MREG: variants seen among roughly 807,000 people sequenced by gnomAD.
MREG encodes the protein dilute suppressor protein homolog.
Under a neutral mutation model 28.5 loss-of-function variants are expected in MREG, and 31 were observed. The observed-to-expected ratio is 1.09, with a 90% CI of 0.82 to 1.47. The LOEUF (loss-of-function observed/expected upper bound fraction) is 1.47, where lower values mean the gene tolerates loss of function less well. MREG is among the 40% of genes most tolerant of loss of function. The probability of loss-of-function intolerance (pLI) is 0.00; values close to 1 mark genes in which losing one functional copy is unlikely to be tolerated. For synonymous variants in MREG, 106 were observed against 95.2 expected (o/e 1.11, Z -0.66); for missense variants, 256 against 257.4 (o/e 0.99, Z 0.04).
chr2:215,993,794 C>T lies in MREG; in HGVS notation c.255+2512G>A, dbSNP rs557164346. Among the ~76,000 whole-genome samples the T allele has an allele frequency of 2.6e-3, 395 of 152,168 alleles. 1 individual carries two copies. The highest frequency in any genetic ancestry group is 9.2e-3 in the African/African-American group (380 of 41,464). On this transcript the variant is annotated intron_variant, in intron 2 of 4. Transcript: ENST00000263268. ...TTCTCAAAAGAAGACATTTGTGCGG[C>T]CAACAAACATATGAAAAAAGCTCAT...
chr2:216,033,163 T>A (rs969712743), upstream of MREG, among the ~76,000 whole-genome samples: 4 of 152,186 alleles, frequency 2.6e-5, no homozygotes, highest in African/African-American at 7.2e-5. Flanking sequence ...TAATGTATAA[T>A]GTATCTGCCA....
At chr2:215,953,252 G>A (rs941676704) in intron 2 of MREG, among the ~76,000 whole-genome samples, 2 of 152,218 alleles carry the variant, frequency 1.3e-5, no homozygotes, top group Admixed American at 6.5e-5. Flanking sequence ...TTCCCTTGCA[G>A]AACAGTTATA....
At chr2:215,956,383 T>C (rs1439408725) in intron 2 of MREG, among the ~76,000 whole-genome samples, 1 of 152,242 alleles carries the variant, frequency 6.6e-6, no homozygotes, top group Non-Finnish European at 1.5e-5. Flanking sequence ...ACCTATCTAA[T>C]CTATCAATGA....
At chr2:216,024,210 A>G (rs1329191464) in intron 1 of MREG, among the ~76,000 whole-genome samples, 1 of 151,944 alleles carries the variant, frequency 6.6e-6, no homozygotes, top group Non-Finnish European at 1.5e-5. Flanking sequence ...ACCCCTCCCT[A>G]TCACTCACAT....
At chr2:215,998,340 A>G (rs1176635458) in intron 1 of MREG, among the ~76,000 whole-genome samples, 2 of 151,152 alleles carry the variant, frequency 1.3e-5, no homozygotes, top group African/African-American at 2.4e-5. Context: ...AATAATAATA[A>G]TAATAATTGG....
chr2:216,010,352 CTCTTTTTTTT>C (rs1424747049), intron 1 of MREG, among the ~76,000 whole-genome samples: 4 of 75,634 alleles, frequency 5.3e-5, no homozygotes, highest in African/African-American at 2.0e-4. Flanking sequence ...GAAAAGATTT[CTCTTTTTTTT>C]TTTTTTTTTT....
chr2:216,031,457 GAGAA>G lies in MREG; in HGVS notation c.-68+1328_-68+1331del, dbSNP rs1274456248. On this transcript the variant is annotated intron_variant, in intron 1 of 3. Coordinates refer to the MREG transcript ENST00000420348. Reference sequence around the variant, plus strand: ...AGAAAGAAAGAAAAAGAAAGAAAGAGAGAAAGAAAGAAAGAAAGAGAAAGAAAGA... The same window carrying G: ...AGAAAGAAAGAAAAAGAAAGAAAGAGAGAAAGAAAGAAAGAGAAAGAAAGA... 1.2e-3 allele frequency among the ~76,000 whole-genome samples: 141 copies of G among 117,846 alleles called. 1 individual carries two copies. Among genetic ancestry groups the G allele is most frequent in the African/African-American group, 3.2e-3 (101 of 31,506 alleles). 77.3% of individuals were successfully genotyped at this position (117,846 alleles called of 152,430 possible). A position where few individuals can be genotyped will look rare whatever the true frequency, so the allele number is the denominator to read the frequency against.
At chr2:215,952,864 G>A (rs796535214) in intron 2 of MREG, among the ~76,000 whole-genome samples, 4 of 152,014 alleles carry the variant, frequency 2.6e-5, no homozygotes, top group African/African-American at 7.2e-5. Flanking sequence ...CCAAGAATAC[G>A]CTTATACTTC....
Position 216,030,927 on chromosome 2 carries a change from TTCTCTCTCTCTCTCTCTC to T in MREG, c.-68+1844_-68+1861del, listed in dbSNP as rs113417580. On this transcript the variant is annotated intron_variant, in intron 1 of 3. Coordinates refer to the MREG transcript ENST00000420348. ...ACACACAAGCCCACTATGAGGCCCA[TTCTCTCTCTCTCTCTCTC>T]TCTCTCTCTCTCACACACACACACA... is the stretch of plus-strand genomic sequence containing the variant. Among the ~76,000 whole-genome samples, 117 of 130,926 alleles carry T rather than the reference TTCTCTCTCTCTCTCTCTC, an allele frequency of 8.9e-4. 1 individual carries two copies. Among genetic ancestry groups the T allele is most frequent in the Non-Finnish European group, 1.5e-3 (93 of 62,330 alleles). The allele number at this position is 130,926 out of a possible 152,430, so 85.9% of individuals were successfully genotyped here.
At chr2:216,008,629 A>G (rs67736553) in intron 1 of MREG, among the ~76,000 whole-genome samples, 44,077 of 152,126 alleles carry the variant, frequency 0.29, 6,681 homozygotes, top group East Asian at 0.4. Flanking sequence ...ATTTTTCTAC[A>G]GTGCCTGAAT....
At chr2:215,953,286 T>C (rs554676295) in intron 2 of MREG, among the ~76,000 whole-genome samples, 1 of 152,390 alleles carries the variant, frequency 6.6e-6, no homozygotes, top group African/African-American at 2.4e-5. Flanking sequence ...GAGTGGACAC[T>C]GATTGGCTTA....
At chr2:215,951,124 GC>G (rs1213915222) in intron 2 of MREG, among the ~76,000 whole-genome samples, 1 of 152,102 alleles carries the variant, frequency 6.6e-6, no homozygotes, top group Non-Finnish European at 1.5e-5. Flanking sequence ...TTCCTGTACA[GC>G]CTGTGGAACT....
chr2:216,008,107 T>C (rs1403232792), intron 1 of MREG, among the ~76,000 whole-genome samples: 2 of 151,984 alleles, frequency 1.3e-5, no homozygotes, highest in Non-Finnish European at 2.9e-5. Flanking sequence ...CTGTGCTTCA[T>C]AGGGCTATGG....
At chr2:216,020,186 A>G (rs1173421663) in intron 1 of MREG, among the ~76,000 whole-genome samples, 1 of 152,176 alleles carries the variant, frequency 6.6e-6, no homozygotes, top group African/African-American at 2.4e-5. Flanking sequence ...TCTGCTGGAT[A>G]TTAATCATCT....
intron 2 of MREG, among the ~76,000 whole-genome samples, chr2:215,995,729 T>C (rs1316671720): frequency 3.3e-5 from 5 of 152,040 alleles, no homozygotes; most frequent in Admixed American, 3.3e-4. Context: ...ACTTACAGAG[T>C]TCTCTCCTTT....
At chr2:215,946,655 C>G (rs568911076) in intron 3 of MREG, among the ~76,000 whole-genome samples, 10 of 152,314 alleles carry the variant, frequency 6.6e-5, no homozygotes, top group Non-Finnish European at 1.3e-4. Flanking sequence ...AACAATATTT[C>G]TCCCAACCTG....
intron 2 of MREG, among the ~76,000 whole-genome samples, chr2:215,981,593 A>T (rs1693430040): frequency 6.6e-6 from 1 of 152,182 alleles, no homozygotes; most frequent in Non-Finnish European, 1.5e-5. Context: ...ATATGAACGT[A>T]CTCAATGCCA....
chr2:215,940,473 G>GT (rs1692184896), downstream of MREG, among the ~76,000 whole-genome samples: 1 of 152,206 alleles, frequency 6.6e-6, no homozygotes, highest in African/African-American at 2.4e-5. Flanking sequence ...AGATAAATTG[G>GT]TTTCTGCTGC....
At chr2:216,009,298 G>A (rs891546338) in intron 1 of MREG, among the ~76,000 whole-genome samples, 5 of 151,890 alleles carry the variant, frequency 3.3e-5, no homozygotes, top group African/African-American at 1.2e-4. Context: ...CTACACTTTG[G>A]GAGATATTCT....
Sources: gnomAD v4.1 joint callset for allele counts (sites outside exome capture counted in the v4.1 genomes callset) on GRCh38, gnomAD v4.1.1 for gene constraint, MANE v1.5 for transcripts, NCBI Gene and HGNC (gene_info 2026-07-23, HGNC 2026-07-21) for gene names.